The following CNIH3 variants were observed in gnomAD, a reference collection of about 807,000 sequenced individuals.
CNIH3 encodes protein cornichon homolog 3.
CNIH3 carries 14 observed loss-of-function variants against 24.1 expected under a neutral mutation model. That is an observed-to-expected ratio of 0.58 (90% CI 0.38 to 0.91). The LOEUF is 0.91. CNIH3 is among the 40% of genes least tolerant of loss of function. CNIH3 has a pLI of 0.00. For synonymous variants in CNIH3, 68 were observed against 73.8 expected, an observed-to-expected ratio of 0.92 and a Z score of 0.40; for missense variants, 178 against 196.8, an observed-to-expected ratio of 0.90 and a Z score of 0.57.
chr1:224,454,276 A>C, intron 1 of CNIH3: 1 of 566,626 alleles, frequency 1.8e-6, no homozygotes, highest in Non-Finnish European at 2.1e-6. Flanking sequence ...TTTTTTTTTC[A>C]GATCTCTGCT....
At chr1:224,666,357 C>A (rs769678664) in intron 1 of CNIH3, among the ~76,000 whole-genome samples, 4 of 152,196 alleles carry the variant, frequency 2.6e-5, no homozygotes, top group African/African-American at 7.2e-5. Context: ...GGGTCATGTC[C>A]TGTATGCTCT....
intron 1 of CNIH3, among the ~76,000 whole-genome samples, chr1:224,622,339 G>A (rs1440002059): frequency 6.6e-6 from 1 of 152,184 alleles, no homozygotes; most frequent in Non-Finnish European, 1.5e-5. Context: ...AGTGGAGCTG[G>A]TTCTCTTTCA....
intron 2 of CNIH3, among the ~76,000 whole-genome samples, chr1:224,525,969 A>G (rs1232095385): frequency 6.6e-6 from 1 of 152,114 alleles, no homozygotes; most frequent in Non-Finnish European, 1.5e-5. Flanking sequence ...TGCCTGAGCT[A>G]TGTGCTACCA....
rs34771495 is a variant in CNIH3 at position 224,483,390 on chromosome 1, A to ATT, written n.204-32335_204-32334dup. On this transcript the variant is annotated intron_variant and non_coding_transcript_variant, in intron 1 of 5. Coordinates refer to the CNIH3 transcript ENST00000471578. ...AACAGGTAGTGTGATTGCTCACCTG[A>ATT]TTTTTTTTTTTTTTTTTAGACAGAG... is the stretch of plus-strand genomic sequence containing the variant. Among the ~76,000 whole-genome samples, 932 of 139,118 alleles carry ATT rather than the reference A, an allele frequency of 6.7e-3. 7 individuals are homozygous for ATT. Among genetic ancestry groups the ATT allele is most frequent in the East Asian group, 0.021 (97 of 4,728 alleles). 91.3% of individuals were successfully genotyped at this position (139,118 alleles called of 152,430 possible).
chr1:224,703,557 C>A lies in CNIH3; in HGVS notation c.198+18714C>A, dbSNP rs190051926. 6.6e-6 allele frequency among the ~76,000 whole-genome samples: 1 copy of A among 152,042 alleles called. No individual in the cohort carries two copies. Among genetic ancestry groups the A allele is most frequent in the South Asian group, 2.1e-4 (1 of 4,820 alleles). On this transcript the variant is annotated intron_variant, in intron 3 of 5. Coordinates refer to ENST00000272133, the MANE Select transcript of CNIH3 (RefSeq NM_152495.2). The surrounding 1 kb of genome is among the most constrained non-coding windows in gnomAD (Gnocchi z 4.2). ...GCAGTGTTAGTTATCATGGTTAGGG[C>A]GCTGAGTTTCATCAGCCTGGCTGTG...
At chr1:224,620,795 T>C (rs1301413115) in intron 1 of CNIH3, among the ~76,000 whole-genome samples, 2 of 151,894 alleles carry the variant, frequency 1.3e-5, no homozygotes, top group African/African-American at 4.8e-5. Flanking sequence ...AGCCTAGGAG[T>C]TTGAGACCAG....
chr1:224,483,608 G>A (rs143759166), intron 1 of CNIH3, among the ~76,000 whole-genome samples: 148 of 151,178 alleles, frequency 9.8e-4, no homozygotes, highest in African/African-American at 3.0e-3. Flanking sequence ...TGTTGGCCAG[G>A]CTGGTCTCAA....
At chr1:224,696,743 T>G (rs1322650005) in intron 3 of CNIH3, among the ~76,000 whole-genome samples, 2 of 151,526 alleles carry the variant, frequency 1.3e-5, no homozygotes, top group African/African-American at 4.8e-5. Context: ...ATGTACATAG[T>G]TGGTTGTTAT....
chr1:224,739,005 C>A (rs985669546), intron 5 of CNIH3, among the ~76,000 whole-genome samples: 1 of 152,176 alleles, frequency 6.6e-6, no homozygotes, highest in Non-Finnish European at 1.5e-5. Context: ...ACCTCCACCC[C>A]CAGACCTGCC....
At chr1:224,711,031 G>A (rs1033763044) in intron 3 of CNIH3, among the ~76,000 whole-genome samples, 1 of 152,054 alleles carries the variant, frequency 6.6e-6, no homozygotes, top group Non-Finnish European at 1.5e-5. Flanking sequence ...GTGCATTTGG[G>A]GCACTCCATA....
chr1:224,548,540 C>A (rs774448213), intron 3 of CNIH3, among the ~76,000 whole-genome samples: 49 of 151,864 alleles, frequency 3.2e-4, no homozygotes, highest in Admixed American at 2.0e-3. Flanking sequence ...CATTTAATAT[C>A]ACTGTCAGTG....
intron 3 of CNIH3, among the ~76,000 whole-genome samples, chr1:224,552,416 T>A (rs1459776666): frequency 1.3e-5 from 2 of 150,968 alleles, no homozygotes; most frequent in African/African-American, 4.9e-5. Context: ...ATGAATAATA[T>A]CAAAGGGCGT....
intron 1 of CNIH3, among the ~76,000 whole-genome samples, chr1:224,461,922 C>T (rs1429005785): frequency 6.6e-6 from 1 of 152,168 alleles, no homozygotes; most frequent in Non-Finnish European, 1.5e-5. Context: ...TGACTGGCTT[C>T]TTTCACTTAG....
intron 5 of CNIH3, among the ~76,000 whole-genome samples, chr1:224,738,241 T>C (rs913565651): frequency 1.3e-5 from 2 of 152,228 alleles, no homozygotes; most frequent in Non-Finnish European, 2.9e-5. Flanking sequence ...CTGAGAATAG[T>C]GTCTGGCATA....
At position 224,655,686 on chromosome 1, in the gene CNIH3, C is replaced by T. The variant is rs187985952; in HGVS notation, c.82-25272C>T. Reference sequence around the variant, plus strand: ...GCAAAACACCCAGGGATCCGTTGCTCACTCTATGGAAAGCCAATTACTGGG... The same window carrying T: ...GCAAAACACCCAGGGATCCGTTGCTTACTCTATGGAAAGCCAATTACTGGG... On this transcript the variant is annotated intron_variant, in intron 1 of 5. Coordinates refer to ENST00000272133, the MANE Select transcript of CNIH3 (RefSeq NM_152495.2). Among the ~76,000 whole-genome samples the T allele has an allele frequency of 1.1e-3, 168 of 152,280 alleles. 1 individual carries two copies. In the Middle Eastern group the frequency reaches 0.034, roughly 31 times the overall value.
chr1:224,513,005 A>G (rs74697377), upstream of CNIH3, among the ~76,000 whole-genome samples: 161 of 152,364 alleles, frequency 1.1e-3, 1 homozygote, highest in East Asian at 0.027. Flanking sequence ...ATTGCTGTTA[A>G]CACTGGAGAT....
chr1:224,511,738 C>A (rs775166494), upstream of CNIH3, among the ~76,000 whole-genome samples: 1 of 151,930 alleles, frequency 6.6e-6, no homozygotes, highest in African/African-American at 2.4e-5. Flanking sequence ...CCTGTAGTCC[C>A]AGTTATTCAG....
At chr1:224,734,804 G>A (rs1485359365) in intron 5 of CNIH3, 98 bp downstream of exon 5, 9 of 1,280,100 alleles carry the variant, frequency 7.0e-6, no homozygotes, top group South Asian at 3.9e-5. Flanking sequence ...GATGGCGTGC[G>A]AGGGTGGGAG....
chr1:224,439,211 T>C (rs1674789283), intron 1 of CNIH3, among the ~76,000 whole-genome samples: 1 of 152,192 alleles, frequency 6.6e-6, no homozygotes. Flanking sequence ...ATTCATGCCA[T>C]GGGCATTCAG....
Sources: allele counts gnomAD v4.1 joint callset (sites outside exome capture counted in the v4.1 genomes callset), GRCh38; gene constraint gnomAD v4.1.1; non-coding constraint Gnocchi (gnomAD v3.1); transcripts MANE v1.5; gene names NCBI Gene and HGNC (gene_info 2026-07-23, HGNC 2026-07-21).